The following ITGA9 variants were observed in gnomAD, a reference collection of about 807,000 sequenced individuals.
ITGA9 encodes integrin alpha-9.
In ITGA9, 56 loss-of-function variants were observed where a neutral mutation model predicts 127.8. That is an observed-to-expected ratio of 0.44 (90% CI 0.35 to 0.55). The LOEUF is 0.55. Among genes scored for constraint, ITGA9 ranks in the 20% least tolerant of loss-of-function variants. The probability of loss-of-function intolerance (pLI) is 0.00; values close to 1 mark genes in which losing one functional copy is unlikely to be tolerated. For missense variants in ITGA9, 1,196 were observed against 1,347.1 expected (o/e 0.89, Z 1.76); for synonymous variants, 508 against 514.5 (o/e 0.99, Z 0.17).
chr3:37,799,492 G>A lies in ITGA9; in HGVS notation c.2890-4331G>A, dbSNP rs1189733113. ...GGCAAGAGCAGCCTGCAGAGAGGCT[G>A]GGGACCACCGGTCTCACAGAGGAGA... On this transcript the variant is annotated intron_variant, in intron 26 of 27. Coordinates refer to ENST00000264741, the MANE Select transcript of ITGA9 (RefSeq NM_002207.3). The surrounding 1 kb of genome is among the most constrained non-coding windows in gnomAD (Gnocchi z 4.0). Among the ~76,000 whole-genome samples, 1 of 152,146 alleles carries A rather than the reference G, an allele frequency of 6.6e-6. No homozygotes were observed. The highest frequency in any genetic ancestry group is 1.5e-5 in the Non-Finnish European group (1 of 68,010).
At chr3:37,517,717 G>A (rs1699000832) in intron 10 of ITGA9, 108 bp downstream of exon 10, 1 of 815,408 alleles carries the variant, frequency 1.2e-6, no homozygotes, top group Admixed American at 2.0e-5. Context: ...CATGCTCCTG[G>A]GTCTACTGAT....
intron 18 of ITGA9, among the ~76,000 whole-genome samples, chr3:37,718,853 C>T (rs984410482): frequency 3.3e-5 from 5 of 152,264 alleles, no homozygotes; most frequent in Admixed American, 2.0e-4. Flanking sequence ...GGATTGTCAT[C>T]GTCACCTTTC....
chr3:37,821,010 T>C lies in ITGA9; in HGVS notation c.*2021T>C, dbSNP rs1253689606. 6.6e-6 allele frequency: 1 copy of C among 152,206 alleles called. No individual in the cohort carries two copies. The highest frequency in any genetic ancestry group is 6.5e-5 in the Admixed American group (1 of 15,276). The allele number at this position is 152,206 out of a possible 1,614,324, so 9.4% of individuals were successfully genotyped here. On this transcript the variant is annotated 3_prime_UTR_variant, in exon 28 of 28. Coordinates refer to ENST00000264741, the MANE Select transcript of ITGA9 (RefSeq NM_002207.3). ...AATTATGAGGGTGATGGGTGGGTAC[T>C]AACCTGGCATGGAGCAGGTGTGTCT...
intron 26 of ITGA9, among the ~76,000 whole-genome samples, chr3:37,787,681 C>T (rs937692448): frequency 3.3e-5 from 5 of 152,120 alleles, no homozygotes; most frequent in African/African-American, 9.7e-5. Flanking sequence ...AGAACAAACA[C>T]GATCTTCCCT....
intron 23 of ITGA9, 89 bp downstream of exon 23, chr3:37,750,658 T>C (rs1036826300): frequency 6.4e-6 from 6 of 932,004 alleles, no homozygotes; most frequent in African/African-American, 3.2e-5. Context: ...ACATCCACCT[T>C]GAGGGTTTGG....
At chr3:37,514,852 C>T (rs2125577907) in intron 9 of ITGA9, among the ~76,000 whole-genome samples, 1 of 152,220 alleles carries the variant, frequency 6.6e-6, no homozygotes, top group Non-Finnish European at 1.5e-5. Context: ...AGACGTGAGC[C>T]ACCACGCCTG....
At chr3:37,744,335 C>A (rs1696474860) in intron 22 of ITGA9, among the ~76,000 whole-genome samples, 2 of 152,226 alleles carry the variant, frequency 1.3e-5, no homozygotes, top group South Asian at 4.1e-4. Context: ...GCCCAGATGA[C>A]CCCATGAGGA....
chr3:37,533,316 C>G lies in ITGA9; in HGVS notation c.1376C>G (p.Ala459Gly), dbSNP rs1699175625. The stretch of plus-strand genomic sequence containing the variant: ...CACCTTCCTCTCTTGCCCTGCAGAG[C>G]AAGGCCTGTCATTACGGTGGATGTC... ...FMSDSVVLLR[A>G]RPVITVDVSI... Residue 459 changes from alanine to glycine, a missense_variant and splice_region_variant, in exon 14 of 28, where the codon GCA (alanine) becomes GGA (glycine). By Grantham distance (60) the Ala-to-Gly change is moderately conservative. Transcript: ENST00000264741. 1 of 1,614,030 alleles carries G rather than the reference C, an allele frequency of 6.2e-7. No individual in the cohort carries two copies. Among genetic ancestry groups the G allele is most frequent in the Non-Finnish European group, 8.5e-7 (1 of 1,179,986 alleles).
chr3:37,615,339 C>T (rs1471311804), intron 15 of ITGA9, among the ~76,000 whole-genome samples: 4 of 152,072 alleles, frequency 2.6e-5, no homozygotes, highest in Non-Finnish European at 4.4e-5. Flanking sequence ...GTGGATAAGG[C>T]TTTTGATGTG....
At chr3:37,704,566 CA>C (rs1372053006) in intron 18 of ITGA9, among the ~76,000 whole-genome samples, 4 of 152,180 alleles carry the variant, frequency 2.6e-5, no homozygotes, top group Non-Finnish European at 4.4e-5. Context: ...CTTTGTGAGT[CA>C]GGGGGCTTGG....
intron 18 of ITGA9, among the ~76,000 whole-genome samples, chr3:37,720,116 A>G (rs1473442089): frequency 2.6e-5 from 4 of 152,184 alleles, no homozygotes; most frequent in Non-Finnish European, 5.9e-5. Context: ...CTGCATTTCT[A>G]ACAGTGAGCA....
intron 15 of ITGA9, among the ~76,000 whole-genome samples, chr3:37,581,719 C>T (rs572030949): frequency 6.6e-5 from 10 of 152,328 alleles, no homozygotes; most frequent in African/African-American, 2.2e-4. Context: ...ACTTCGGTGC[C>T]CTCCCTGCAG....
At chr3:37,792,356 C>G (rs2844405) in intron 26 of ITGA9, among the ~76,000 whole-genome samples, 45,790 of 152,142 alleles carry the variant, frequency 0.3, 8,290 homozygotes, top group East Asian at 0.45. Flanking sequence ...TCAGCAAGGA[C>G]GCAAACAAGA....
intron 21 of ITGA9, among the ~76,000 whole-genome samples, chr3:37,743,638 A>T (rs759438319): frequency 6.6e-6 from 1 of 152,256 alleles, no homozygotes; most frequent in Non-Finnish European, 1.5e-5. Flanking sequence ...GTATACTTTT[A>T]TAATCCAGTT....
chr3:37,576,814 T>C (rs928683913), intron 15 of ITGA9, among the ~76,000 whole-genome samples: 1 of 152,230 alleles, frequency 6.6e-6, no homozygotes, highest in African/African-American at 2.4e-5. Flanking sequence ...GCCATGTTGC[T>C]CAGGCTGGTG....
chr3:37,454,737 C>T (rs1254411624), intron 1 of ITGA9, among the ~76,000 whole-genome samples: 1 of 152,156 alleles, frequency 6.6e-6, no homozygotes, highest in Non-Finnish European at 1.5e-5. Context: ...ATTGTGTTCT[C>T]CCCTTGATTT....
chr3:37,557,541 G>A lies in ITGA9; in HGVS notation c.1689+14956G>A, dbSNP rs377227955. 2.0e-5 allele frequency among the ~76,000 whole-genome samples: 3 copies of A among 152,162 alleles called. No individual in the cohort carries two copies. In the East Asian group the frequency reaches 5.8e-4, roughly 29 times the overall value. On this transcript the variant is annotated intron_variant, in intron 15 of 27. Transcript: ENST00000264741. Reference sequence around the variant, plus strand: ...TGGAACAATGGTGGGTCCAATGGTGGATGAATAGTTTATTCACATGCATCC... The same window carrying A: ...TGGAACAATGGTGGGTCCAATGGTGAATGAATAGTTTATTCACATGCATCC...
intron 7 of ITGA9, among the ~76,000 whole-genome samples, chr3:37,507,819 C>T (rs1204589021): frequency 1.3e-5 from 2 of 152,124 alleles, no homozygotes; most frequent in Non-Finnish European, 2.9e-5. Flanking sequence ...ATGGCAGTTC[C>T]TTATCTCATG....
rs530950924 is a variant in ITGA9 at position 37,516,736 on chromosome 3, C to G, written c.1036-768C>G. ...AGGATATAGTGGGCCCAGACTGCCT[C>G]TGCACTGGGGAATGCATACATCTTC... On this transcript the variant is annotated intron_variant, in intron 9 of 27. Coordinates refer to ENST00000264741, the MANE Select transcript of ITGA9 (RefSeq NM_002207.3). Among the ~76,000 whole-genome samples, 10 of 152,300 alleles carry G rather than the reference C, an allele frequency of 6.6e-5. No homozygotes were observed. The South Asian group carries it at 1.2e-3, about 19-fold the overall frequency.
Sources: allele counts gnomAD v4.1 joint callset (sites outside exome capture counted in the v4.1 genomes callset), GRCh38; gene constraint gnomAD v4.1.1; non-coding constraint Gnocchi (gnomAD v3.1); transcripts MANE v1.5; gene names NCBI Gene and HGNC (gene_info 2026-07-23, HGNC 2026-07-21).